CNTNAP5: variants seen among roughly 807,000 people sequenced by gnomAD.
CNTNAP5 encodes contactin associated protein family member 5, also known as contactin-associated protein-like 5.
In CNTNAP5, 72 loss-of-function variants were observed where a neutral mutation model predicts 150.2. The observed-to-expected ratio is 0.48, with a 90% CI of 0.40 to 0.58. The LOEUF is 0.58. CNTNAP5 is among the 20% of genes least tolerant of loss of function. The probability of loss-of-function intolerance (pLI) is 0.00; values close to 1 mark genes in which losing one functional copy is unlikely to be tolerated. For synonymous variants in CNTNAP5, 672 were observed against 619.8 expected, an observed-to-expected ratio of 1.08 and a Z score of -1.25; for missense variants, 1,636 against 1,626.2, an observed-to-expected ratio of 1.01 and a Z score of -0.10.
At chr2:124,295,128 CCAAA>C (rs57566535) in intron 3 of CNTNAP5, among the ~76,000 whole-genome samples, 106,633 of 150,476 alleles carry the variant, frequency 0.71, 37,959 homozygotes, top group South Asian at 0.85. Context: ...ACAACCACCA[CCAAA>C]CAAACAAACA....
At chr2:124,328,316 T>C (rs1689270339) in intron 3 of CNTNAP5, among the ~76,000 whole-genome samples, 1 of 152,226 alleles carries the variant, frequency 6.6e-6, no homozygotes, top group East Asian at 1.9e-4. Flanking sequence ...GTTTTGTTTT[T>C]ATCCTTAGCT....
At position 124,832,913 on chromosome 2, in the gene CNTNAP5, CTTTTCCT is replaced by C. The variant is rs761254729; in HGVS notation, c.3218-32388_3218-32382del. On this transcript the variant is annotated intron_variant, in intron 19 of 23. Transcript: ENST00000682447. ...CTGAACTTTCTTTTTCTTTTTTTTT[CTTTTCCT>C]TTTTTTTTTTGAGACAGGGTCTGCC... Among the ~76,000 whole-genome samples, 205 of 139,622 alleles carry C rather than the reference CTTTTCCT, an allele frequency of 1.5e-3. 1 individual carries two copies. The highest frequency in any genetic ancestry group is 3.9e-3 in the South Asian group (18 of 4,604). 91.6% of individuals were successfully genotyped at this position (139,622 alleles called of 152,430 possible).
At chr2:124,532,147 G>A (rs1480979575) in intron 10 of CNTNAP5, among the ~76,000 whole-genome samples, 2 of 152,158 alleles carry the variant, frequency 1.3e-5, no homozygotes, top group African/African-American at 2.4e-5. Context: ...CTCAAAGTGG[G>A]GGAGTAGAGT....
At chr2:124,514,950 G>A (rs151056981) in intron 8 of CNTNAP5, among the ~76,000 whole-genome samples, 22 of 152,286 alleles carry the variant, frequency 1.4e-4, no homozygotes, top group East Asian at 7.7e-4. Context: ...AATGGTTAGC[G>A]TGTGGATGTT....
At chr2:124,044,868 C>T (rs866096755) in intron 1 of CNTNAP5, among the ~76,000 whole-genome samples, 21 of 146,978 alleles carry the variant, frequency 1.4e-4, no homozygotes, top group South Asian at 4.4e-4. Context: ...CCGCCACAGA[C>T]GGAAGCAATG....
intron 1 of CNTNAP5, among the ~76,000 whole-genome samples, chr2:124,099,320 A>G (rs1022361604): frequency 6.6e-6 from 1 of 152,202 alleles, no homozygotes; most frequent in Admixed American, 6.5e-5. Flanking sequence ...CTGGGTCTCT[A>G]GAGCAGGAAG....
intron 1 of CNTNAP5, among the ~76,000 whole-genome samples, chr2:124,114,077 G>A (rs1426576713): frequency 1.3e-5 from 2 of 151,902 alleles, no homozygotes; most frequent in South Asian, 2.1e-4. Flanking sequence ...TCATTCAAGA[G>A]CATCATTAGC....
At chr2:124,295,516 G>C (rs1159651503) in intron 3 of CNTNAP5, among the ~76,000 whole-genome samples, 1 of 152,268 alleles carries the variant, frequency 6.6e-6, no homozygotes, top group African/African-American at 2.4e-5. Context: ...CCATTGAATA[G>C]GTCTGGGAGA....
chr2:124,055,493 C>T (rs936076543), intron 1 of CNTNAP5, among the ~76,000 whole-genome samples: 1 of 152,128 alleles, frequency 6.6e-6, no homozygotes, highest in African/African-American at 2.4e-5. Context: ...TCACAGTTCA[C>T]CCCAAGCCTC....
rs568584864 is a variant in CNTNAP5, at chr2:124,750,572, G to A, written c.2234+3187G>A. Among the ~76,000 whole-genome samples the A allele has an allele frequency of 6.7e-4, 102 of 152,288 alleles. 3 individuals are homozygous for A. In the South Asian group the frequency reaches 0.02, roughly 30 times the overall value. ...CTGTGTGCCAGACGGATAGTCTGCT[G>A]TGCAGAGAAAGTCAGGGGCATTACG... On this transcript the variant is annotated intron_variant, in intron 14 of 23. Coordinates refer to ENST00000682447, the MANE Select transcript of CNTNAP5 (RefSeq NM_001367498.1).
intron 10 of CNTNAP5, among the ~76,000 whole-genome samples, chr2:124,545,194 AAG>A (rs1219315866): frequency 1.3e-5 from 2 of 152,178 alleles, no homozygotes; most frequent in African/African-American, 2.4e-5. Context: ...TTTCTAAAAT[AAG>A]AGAGTCTTCA....
At chr2:124,572,625 C>T (rs1253757008) in intron 11 of CNTNAP5, among the ~76,000 whole-genome samples, 4 of 152,114 alleles carry the variant, frequency 2.6e-5, no homozygotes, top group Non-Finnish European at 5.9e-5. Flanking sequence ...TTGGGGTTCA[C>T]CCAGTGCTCT....
intron 9 of CNTNAP5, among the ~76,000 whole-genome samples, chr2:124,525,885 T>C (rs545740347): frequency 6.6e-6 from 1 of 152,310 alleles, no homozygotes; most frequent in Admixed American, 6.5e-5. Context: ...ATAGAGCTCA[T>C]GAATTCAATT....
chr2:124,738,209 T>C (rs1680427322), intron 13 of CNTNAP5, among the ~76,000 whole-genome samples: 2 of 152,188 alleles, frequency 1.3e-5, no homozygotes, highest in Non-Finnish European at 2.9e-5. Flanking sequence ...CTTTATTACA[T>C]CACAGCTTGA....
chr2:124,769,810 C>T (rs1681151804), intron 16 of CNTNAP5, among the ~76,000 whole-genome samples: 1 of 152,152 alleles, frequency 6.6e-6, no homozygotes, highest in African/African-American at 2.4e-5. Context: ...CTCTGCCCCA[C>T]CCACACTGGG....
intron 19 of CNTNAP5, among the ~76,000 whole-genome samples, chr2:124,814,135 C>G (rs1315429626): frequency 6.6e-6 from 1 of 151,924 alleles, no homozygotes; most frequent in Non-Finnish European, 1.5e-5. Context: ...GATTCTTACA[C>G]CCCACTATAC....
intron 19 of CNTNAP5, among the ~76,000 whole-genome samples, chr2:124,815,807 A>T (rs1682349479): frequency 6.6e-6 from 1 of 152,156 alleles, no homozygotes; most frequent in Admixed American, 6.5e-5. Flanking sequence ...TGTACATGGA[A>T]AGGTGTATAA....
At chr2:124,434,363 C>T in intron 4 of CNTNAP5, 121 bp from the exon 5 acceptor site, 2 of 762,370 alleles carry the variant, frequency 2.6e-6, no homozygotes, top group Non-Finnish European at 4.5e-6. Context: ...CCTGTTGAGA[C>T]TAGACCTGGC....
intron 21 of CNTNAP5, among the ~76,000 whole-genome samples, chr2:124,890,290 G>C (rs1181235800): frequency 6.6e-6 from 1 of 152,058 alleles, no homozygotes. Flanking sequence ...GAAGTGCCCA[G>C]GTTTTGCTTC....
Sources: allele counts gnomAD v4.1 joint callset (sites outside exome capture counted in the v4.1 genomes callset), GRCh38; gene constraint gnomAD v4.1.1; transcripts MANE v1.5; gene names NCBI Gene and HGNC (gene_info 2026-07-23, HGNC 2026-07-21).